The following TBC1D1 variants were observed in gnomAD, a reference collection of about 807,000 sequenced individuals.
TBC1D1 encodes TBC1 domain family member 1.
TBC1D1 carries 89 observed loss-of-function variants against 125.6 expected under a neutral mutation model. The ratio of observed to expected loss-of-function variants is 0.71; its 90% CI spans 0.60 to 0.85. TBC1D1 has a LOEUF of 0.85. Among genes scored for constraint, TBC1D1 ranks in the 40% least tolerant of loss-of-function variants. The pLI is 0.00. For synonymous variants in TBC1D1, 565 were observed against 564.1 expected (o/e 1.00, Z -0.02); for missense variants, 1,377 against 1,469.2 (o/e 0.94, Z 1.03).
intron 2 of TBC1D1, among the ~76,000 whole-genome samples, chr4:37,970,025 T>C (rs1391628294): frequency 3.9e-5 from 6 of 152,258 alleles, no homozygotes; most frequent in Non-Finnish European, 8.8e-5. Flanking sequence ...AACTGGCTTA[T>C]TTCAATTGGC....
At chr4:37,952,239 C>T (rs372525139) in intron 2 of TBC1D1, 16 of 579,872 alleles carry the variant, frequency 2.8e-5, no homozygotes, top group African/African-American at 1.1e-4. Context: ...TGAGTCTGTG[C>T]GGAAATCACA....
chr4:38,078,198 C>T (rs1426876106), intron 12 of TBC1D1, among the ~76,000 whole-genome samples: 1 of 152,224 alleles, frequency 6.6e-6, no homozygotes, highest in Non-Finnish European at 1.5e-5. Context: ...ACCCCCAGGC[C>T]TTCCCTCCCG....
At chr4:38,106,690 C>A (rs1402964150) in intron 15 of TBC1D1, among the ~76,000 whole-genome samples, 1 of 152,198 alleles carries the variant, frequency 6.6e-6, no homozygotes, top group East Asian at 1.9e-4. Context: ...CATTCCCCTG[C>A]AGTATCCCCT....
intron 2 of TBC1D1, among the ~76,000 whole-genome samples, chr4:38,011,749 AGT>A (rs1741549512): frequency 1.3e-5 from 2 of 152,242 alleles, no homozygotes; most frequent in African/African-American, 4.8e-5. Flanking sequence ...CTTTGACTAA[AGT>A]GTGTCTTTTT....
chr4:37,943,258 T>A (rs987508569), intron 2 of TBC1D1, among the ~76,000 whole-genome samples: 1 of 152,250 alleles, frequency 6.6e-6, no homozygotes, highest in African/African-American at 2.4e-5. Context: ...TCTCTCTGGC[T>A]GCCCTTAACA....
At chr4:37,905,862 T>G (rs1717196416) in intron 2 of TBC1D1, among the ~76,000 whole-genome samples, 1 of 152,242 alleles carries the variant, frequency 6.6e-6, no homozygotes, top group South Asian at 2.1e-4. Context: ...TTTGAAGAAA[T>G]GCTTCAGGAT....
intron 2 of TBC1D1, among the ~76,000 whole-genome samples, chr4:37,990,556 G>A (rs1736340029): frequency 6.6e-6 from 1 of 152,152 alleles, no homozygotes. Flanking sequence ...AATATTGCTA[G>A]TACATCTAAG....
At position 37,908,461 on chromosome 4, in the gene TBC1D1, C is replaced by T. The variant is rs184600196; in HGVS notation, c.417+5949C>T. Among the ~76,000 whole-genome samples, 1,090 of 152,308 alleles carry T rather than the reference C, an allele frequency of 7.2e-3. 3 individuals are homozygous for T. Among genetic ancestry groups the T allele is most frequent in the Middle Eastern group, 0.024 (7 of 294 alleles). ...CCTCAAGTGATCCGCCCGCTTCCACCTCCCAAAATGTTGGGATTACAGACA... is the reference window on the plus strand; with the variant it reads ...CCTCAAGTGATCCGCCCGCTTCCACTTCCCAAAATGTTGGGATTACAGACA... On this transcript the variant is annotated intron_variant, in intron 2 of 19. Transcript: ENST00000261439.
At chr4:37,926,459 C>G (rs534764633) in intron 2 of TBC1D1, among the ~76,000 whole-genome samples, 23 of 152,336 alleles carry the variant, frequency 1.5e-4, no homozygotes, top group African/African-American at 5.0e-4. Context: ...TCATTCTTCA[C>G]CTGCATCTTT....
chr4:37,945,947 C>A (rs1027608918), intron 2 of TBC1D1, among the ~76,000 whole-genome samples: 11 of 152,122 alleles, frequency 7.2e-5, no homozygotes, highest in Non-Finnish European at 1.6e-4. Context: ...ATTCTGAGTG[C>A]TGATAACAGA....
chr4:37,933,064 C>CAA (rs1224566138), intron 2 of TBC1D1, among the ~76,000 whole-genome samples: 5 of 146,998 alleles, frequency 3.4e-5, no homozygotes, highest in African/African-American at 9.9e-5. Flanking sequence ...AACAAAAAAA[C>CAA]AAAAAAACAA....
chr4:38,074,603 A>C, intron 12 of TBC1D1, among the ~76,000 whole-genome samples: 1 of 152,182 alleles, frequency 6.6e-6, no homozygotes, highest in Non-Finnish European at 1.5e-5. Flanking sequence ...TCATTTAATC[A>C]AAGCAGCCGA....
intron 2 of TBC1D1, among the ~76,000 whole-genome samples, chr4:37,918,242 A>G (rs1720128771): frequency 6.6e-6 from 1 of 152,238 alleles, no homozygotes; most frequent in African/African-American, 2.4e-5. Flanking sequence ...ACTGCTCATG[A>G]TAAATGAGGT....
chr4:38,119,900 C>G (rs1162473262), intron 17 of TBC1D1: 1 of 982,410 alleles, frequency 1.0e-6, no homozygotes, highest in South Asian at 4.7e-5. Context: ...CATCTCTGCC[C>G]TGGGGCCCCA....
At chr4:38,061,369 T>C (rs981157934) in intron 12 of TBC1D1, among the ~76,000 whole-genome samples, 1 of 152,204 alleles carries the variant, frequency 6.6e-6, no homozygotes, top group African/African-American at 2.4e-5. Flanking sequence ...TCTGGGTGTA[T>C]TATGCAAAAG....
rs1166474953 is a variant in TBC1D1 at position 38,137,572 on chromosome 4, A to G, written c.*237A>G. ...CCTTCTCCAGTCCTGATTACTGTAC[A>G]CAGTAGCTTTAGATGGCGTGGACGT... On this transcript the variant is annotated 3_prime_UTR_variant, in exon 20 of 20. Coordinates refer to ENST00000261439, the MANE Select transcript of TBC1D1 (RefSeq NM_015173.4). 4.5e-6 allele frequency: 2 copies of G among 445,642 alleles called. No individual in the cohort carries two copies. Among genetic ancestry groups the G allele is most frequent in the East Asian group, 7.1e-5 (2 of 28,306 alleles). 27.6% of individuals were successfully genotyped at this position (445,642 alleles called of 1,614,324 possible).
chr4:38,128,566 C>G (rs993630577), intron 18 of TBC1D1, among the ~76,000 whole-genome samples: 2 of 152,128 alleles, frequency 1.3e-5, no homozygotes, highest in African/African-American at 4.8e-5. Context: ...AGCTGTGGTT[C>G]CATTTCATTA....
At chr4:38,118,010 C>T in intron 16 of TBC1D1, 23 bp from the exon 19 acceptor site, 5 of 1,612,674 alleles carry the variant, frequency 3.1e-6, no homozygotes, top group Non-Finnish European at 3.4e-6. Context: ...TAATTCTCAG[C>T]CCTTGTGGCT....
chr4:38,119,220 T>G (rs1431304311), intron 17 of TBC1D1, among the ~76,000 whole-genome samples: 1 of 152,212 alleles, frequency 6.6e-6, no homozygotes, highest in Admixed American at 6.5e-5. Context: ...TCAGACATGC[T>G]TTGGGTAAAC....
Sources: allele counts gnomAD v4.1 joint callset (sites outside exome capture counted in the v4.1 genomes callset), GRCh38; gene constraint gnomAD v4.1.1; transcripts MANE v1.5; gene names NCBI Gene and HGNC (gene_info 2026-07-23, HGNC 2026-07-21).